STAG1: variants seen among roughly 807,000 people sequenced by gnomAD.
The protein encoded by STAG1 is STAG1 cohesin complex component.
STAG1 carries 26 observed loss-of-function variants against 170.9 expected under a neutral mutation model. The ratio of observed to expected loss-of-function variants is 0.15; its 90% CI spans 0.11 to 0.21. STAG1 has a LOEUF of 0.21. STAG1 is among the 10% of genes least tolerant of loss of function. The pLI, the probability that STAG1 is intolerant of heterozygous loss-of-function variation, is 1.00. For missense variants in STAG1, 964 were observed against 1,509.5 expected (o/e 0.64, Z 5.99); for synonymous variants, 514 against 497.7 (o/e 1.03, Z -0.44).
At chr3:136,440,232 G>A (rs1434483838) in intron 15 of STAG1, among the ~76,000 whole-genome samples, 1 of 151,982 alleles carries the variant, frequency 6.6e-6, no homozygotes, top group Non-Finnish European at 1.5e-5. Flanking sequence ...CTGCCTCCCG[G>A]GTTTACACCA....
At chr3:136,392,782 A>G (rs1227752246) in intron 22 of STAG1, among the ~76,000 whole-genome samples, 3 of 146,794 alleles carry the variant, frequency 2.0e-5, no homozygotes, top group East Asian at 1.9e-4. Context: ...AAAAAAAAAA[A>G]AAAGAAAAGA....
chr3:136,609,327 T>C (rs1462624323), intron 3 of STAG1: 2 of 150,686 alleles, frequency 1.3e-5, no homozygotes, highest in Non-Finnish European at 3.0e-5. Context: ...AAAAATTAGC[T>C]TTCATATATG....
chr3:136,464,794 G>C (rs978340634), intron 13 of STAG1, 87 bp downstream of exon 13: 7 of 1,085,738 alleles, frequency 6.4e-6, no homozygotes, highest in East Asian at 5.2e-5. Flanking sequence ...ACTGTGTTCA[G>C]TCACTATTAC....
chr3:136,552,480 G>A (rs575710469), intron 5 of STAG1, among the ~76,000 whole-genome samples: 2 of 152,308 alleles, frequency 1.3e-5, no homozygotes, highest in African/African-American at 4.8e-5. Context: ...GAAGCCATAT[G>A]AAGCAGGAAG....
chr3:136,592,817 C>T (rs919823739), intron 4 of STAG1, among the ~76,000 whole-genome samples: 1 of 152,186 alleles, frequency 6.6e-6, no homozygotes, highest in Non-Finnish European at 1.5e-5. Flanking sequence ...TATCCTTAGT[C>T]CTCCTCTCAA....
At chr3:136,674,245 C>G (rs1369953182) in intron 1 of STAG1, among the ~76,000 whole-genome samples, 1 of 149,522 alleles carries the variant, frequency 6.7e-6, no homozygotes, top group Non-Finnish European at 1.5e-5. Flanking sequence ...TGATAACAAC[C>G]CAAATGTCCA....
At chr3:136,383,172 TTA>T (rs1440972985) in intron 22 of STAG1, among the ~76,000 whole-genome samples, 1 of 152,184 alleles carries the variant, frequency 6.6e-6, no homozygotes. Flanking sequence ...GATTTTGAAA[TTA>T]GTTCAGGATT....
chr3:136,565,557 G>A (rs1275191641), intron 5 of STAG1, among the ~76,000 whole-genome samples: 3 of 152,152 alleles, frequency 2.0e-5, no homozygotes, highest in Non-Finnish European at 4.4e-5. Flanking sequence ...AGAAAAATAG[G>A]AATCCTCATA....
chr3:136,474,576 T>C (rs897744374), intron 10 of STAG1, among the ~76,000 whole-genome samples: 2 of 152,240 alleles, frequency 1.3e-5, no homozygotes, highest in South Asian at 2.1e-4. Flanking sequence ...TATTAAGTTA[T>C]TGATGAGATG....
At chr3:136,507,765 A>G (rs1283633427) in intron 7 of STAG1, among the ~76,000 whole-genome samples, 2 of 152,190 alleles carry the variant, frequency 1.3e-5, no homozygotes, top group Admixed American at 6.5e-5. Flanking sequence ...ACTTTATTCA[A>G]TAAGGAGTGA....
intron 1 of STAG1, among the ~76,000 whole-genome samples, chr3:136,686,961 G>C (rs1004789553): frequency 6.6e-6 from 1 of 152,162 alleles, no homozygotes; most frequent in Non-Finnish European, 1.5e-5. Flanking sequence ...TTTGACCACT[G>C]TTTATAAGGG....
Position 136,486,535 on chromosome 3 carries a change from T to C in STAG1, c.903-9123A>G, listed in dbSNP as rs149273532. Among the ~76,000 whole-genome samples, 342 of 152,320 alleles carry C rather than the reference T, an allele frequency of 2.2e-3. 3 individuals carry two copies. The highest frequency in any genetic ancestry group is 8.1e-3 in the African/African-American group (337 of 41,570). ...TACCAAGTAGTATCTCTGCCGAGGA[T>C]CCATTACATTTTTCCTCTGCTATAC... On this transcript the variant is annotated intron_variant, in intron 9 of 33. Transcript: ENST00000383202.
chr3:136,403,224 T>TAAAAAAAAAA (rs55678408), intron 21 of STAG1, among the ~76,000 whole-genome samples: 168 of 33,524 alleles, frequency 5.0e-3, no homozygotes, highest in Non-Finnish European at 5.4e-3. Flanking sequence ...GAGACTGTCT[T>TAAAAAAAAAA]AAAAAAAAAA....
chr3:136,735,743 G>C (rs746243781), intron 1 of STAG1, among the ~76,000 whole-genome samples: 3 of 152,180 alleles, frequency 2.0e-5, no homozygotes, highest in Non-Finnish European at 4.4e-5. Flanking sequence ...CTCCTGAGTA[G>C]CTGGAATTAT....
At chr3:136,498,032 A>G (rs1453955240) in intron 9 of STAG1, among the ~76,000 whole-genome samples, 1 of 148,330 alleles carries the variant, frequency 6.7e-6, no homozygotes, top group Non-Finnish European at 1.5e-5. Flanking sequence ...GTCTCTACTA[A>G]AAATACAAAA....
At chr3:136,679,815 T>C (rs902900642) in intron 1 of STAG1, among the ~76,000 whole-genome samples, 2 of 150,746 alleles carry the variant, frequency 1.3e-5, no homozygotes, top group African/African-American at 2.4e-5. Flanking sequence ...GGCATGAGAA[T>C]TGCTAGATCC....
At chr3:136,694,311 TACA>T in intron 1 of STAG1, among the ~76,000 whole-genome samples, 1 of 152,046 alleles carries the variant, frequency 6.6e-6, no homozygotes, top group African/African-American at 2.4e-5. Flanking sequence ...GGCACATGAG[TACA>T]CTGATAAAGA....
intron 23 of STAG1, among the ~76,000 whole-genome samples, chr3:136,371,768 A>G (rs1248046078): frequency 6.6e-6 from 1 of 152,114 alleles, no homozygotes; most frequent in Non-Finnish European, 1.5e-5. Context: ...GCCTTGTAGT[A>G]TAGTTTGAAG....
At chr3:136,563,913 C>T (rs1936949643) in intron 5 of STAG1, among the ~76,000 whole-genome samples, 1 of 152,030 alleles carries the variant, frequency 6.6e-6, no homozygotes, top group Non-Finnish European at 1.5e-5. Context: ...ATCCCAGCTA[C>T]TCGGGAGGCT....
Sources: allele counts gnomAD v4.1 joint callset (sites outside exome capture counted in the v4.1 genomes callset), GRCh38; gene constraint gnomAD v4.1.1; transcripts MANE v1.5; gene names NCBI Gene and HGNC (gene_info 2026-07-23, HGNC 2026-07-21).